KHDRBS3: variants seen among roughly 807,000 people sequenced by gnomAD.
KHDRBS3 encodes the protein KH RNA binding domain containing, signal transduction associated 3.
In KHDRBS3, 23 loss-of-function variants were observed where a neutral mutation model predicts 45.6. The ratio of observed to expected loss-of-function variants is 0.50; its 90% confidence interval spans 0.36 to 0.72. The LOEUF (loss-of-function observed/expected upper bound fraction) is 0.72. Ranked by LOEUF, KHDRBS3 falls within the 30% of genes least tolerant of loss-of-function variation. KHDRBS3 has a pLI of 0.00. For missense variants in KHDRBS3, 352 were observed against 424.8 expected (o/e 0.83, Z 1.51); for synonymous variants, 162 against 156.5 (o/e 1.04, Z -0.26).
chr8:135,489,799 A>G lies in KHDRBS3; in HGVS notation c.89-31438A>G, dbSNP rs1301530495. ...TTTATTGAAGAAAAAATATTTCTTA[A>G]TAATTCAGTGTAGCCTAAGTATACA... On this transcript the variant is annotated intron_variant, in intron 1 of 8. Coordinates refer to ENST00000355849, the MANE Select transcript of KHDRBS3 (RefSeq NM_006558.3). Among the ~76,000 whole-genome samples, 4 of 152,204 alleles carry G rather than the reference A, an allele frequency of 2.6e-5. 1 individual carries two copies.
intron 1 of KHDRBS3, among the ~76,000 whole-genome samples, chr8:135,506,419 T>C (rs573302766): frequency 1.0e-3 from 159 of 151,680 alleles, no homozygotes; most frequent in Admixed American, 0.01. Context: ...TTTTTTTTTT[T>C]TTGAGATGGA....
chr8:135,520,122 T>C (rs1053409223), intron 1 of KHDRBS3, among the ~76,000 whole-genome samples: 7 of 152,248 alleles, frequency 4.6e-5, no homozygotes, highest in Non-Finnish European at 7.3e-5. Context: ...GATTGAATTA[T>C]GTCATGAATG....
chr8:135,540,733 A>G (rs1479055568), intron 2 of KHDRBS3: 2 of 152,246 alleles, frequency 1.3e-5, no homozygotes, highest in African/African-American at 2.4e-5. Flanking sequence ...GTGAAACGAA[A>G]TACAGATACT....
At chr8:135,578,955 C>T (rs1404176010) in intron 5 of KHDRBS3, among the ~76,000 whole-genome samples, 1 of 151,748 alleles carries the variant, frequency 6.6e-6, no homozygotes, top group Non-Finnish European at 1.5e-5. Flanking sequence ...TTTTTGGCTT[C>T]AGTAAATGTT....
In KHDRBS3 at chr8:135,457,746, C is replaced by T. The variant is rs987869377; in HGVS notation, c.-121C>T. 6.2e-5 allele frequency: 17 copies of T among 272,896 alleles called. No individual in the cohort carries two copies. Among genetic ancestry groups the T allele is most frequent in the Non-Finnish European group, 9.0e-5 (15 of 166,762 alleles). The allele number at this position is 272,896 out of a possible 1,614,324, so 16.9% of individuals were successfully genotyped here. On this transcript the variant is annotated 5_prime_UTR_variant, in exon 1 of 9. Transcript: ENST00000355849. The surrounding 1 kb of genome is among the most constrained non-coding windows in gnomAD (Gnocchi z 4.4). ...CTTCCGGCCGACCGCCCGGCTTGGCCGCTGCTGCCGCGTCTGGCCCCCGGG... is the reference window on the plus strand; with the variant it reads ...CTTCCGGCCGACCGCCCGGCTTGGCTGCTGCTGCCGCGTCTGGCCCCCGGG...
chr8:135,629,720 A>G (rs1183086588), intron 7 of KHDRBS3, among the ~76,000 whole-genome samples: 1 of 152,220 alleles, frequency 6.6e-6, no homozygotes, highest in African/African-American at 2.4e-5. Context: ...GAGGCATTGG[A>G]TTGAGGTGCA....
intron 7 of KHDRBS3, among the ~76,000 whole-genome samples, chr8:135,620,417 A>T (rs1830090618): frequency 6.6e-6 from 1 of 152,030 alleles, no homozygotes; most frequent in South Asian, 2.1e-4. Flanking sequence ...GCCCTTCCTG[A>T]CCTGGCCCCA....
chr8:135,578,019 A>G (rs1037142350), intron 5 of KHDRBS3, among the ~76,000 whole-genome samples: 2 of 152,134 alleles, frequency 1.3e-5, no homozygotes, highest in African/African-American at 4.8e-5. Flanking sequence ...GTTATTTGCC[A>G]TCTGTAGATC....
chr8:135,646,693 T>C (rs1831302621), intron 8 of KHDRBS3, among the ~76,000 whole-genome samples: 1 of 152,246 alleles, frequency 6.6e-6, no homozygotes, highest in African/African-American at 2.4e-5. Flanking sequence ...TACTTGAGCT[T>C]GTAAACTGTT....
chr8:135,481,446 A>G (rs1394127410), intron 1 of KHDRBS3, among the ~76,000 whole-genome samples: 1 of 126,972 alleles, frequency 7.9e-6, no homozygotes, highest in African/African-American at 2.5e-5. Context: ...TACCTCTGTC[A>G]TAGTCTCTGT....
At chr8:135,588,152 A>G (rs1018132378) in intron 6 of KHDRBS3, among the ~76,000 whole-genome samples, 5 of 152,224 alleles carry the variant, frequency 3.3e-5, no homozygotes, top group Non-Finnish European at 7.3e-5. Flanking sequence ...GTTACCCACA[A>G]CTTGTGTCAG....
chr8:135,562,793 A>G (rs930143070), intron 5 of KHDRBS3, among the ~76,000 whole-genome samples: 9 of 152,346 alleles, frequency 5.9e-5, no homozygotes, highest in African/African-American at 2.2e-4. Context: ...TACAGAATTC[A>G]GTGTCTAAAT....
intron 7 of KHDRBS3, among the ~76,000 whole-genome samples, chr8:135,619,494 T>G (rs1563810524): frequency 6.6e-6 from 1 of 152,068 alleles, no homozygotes. Flanking sequence ...TGCATAAAGA[T>G]GTAGTAAATT....
At chr8:135,610,554 T>C (rs1271347036) in intron 7 of KHDRBS3, among the ~76,000 whole-genome samples, 6 of 151,890 alleles carry the variant, frequency 4.0e-5, no homozygotes, top group Non-Finnish European at 1.5e-5. Context: ...AAAAGCTTAC[T>C]GGCTAGAAAA....
intron 6 of KHDRBS3, among the ~76,000 whole-genome samples, chr8:135,592,882 G>A (rs951140602): frequency 6.6e-6 from 1 of 151,964 alleles, no homozygotes; most frequent in African/African-American, 2.4e-5. Context: ...TTCCTCTGTT[G>A]CCATCTCAGG....
At chr8:135,586,267 A>G (rs1828467890) in intron 6 of KHDRBS3, among the ~76,000 whole-genome samples, 1 of 152,204 alleles carries the variant, frequency 6.6e-6, no homozygotes, top group Non-Finnish European at 1.5e-5. Context: ...GAGCAGATTC[A>G]GGATTCAAAG....
intron 4 of KHDRBS3, among the ~76,000 whole-genome samples, chr8:135,555,839 G>A (rs908873162): frequency 5.9e-5 from 9 of 152,002 alleles, no homozygotes; most frequent in East Asian, 1.9e-4. Flanking sequence ...TGCTGCACCC[G>A]TCAACCCGTC....
chr8:135,638,167 T>C (rs1830897490), intron 7 of KHDRBS3, among the ~76,000 whole-genome samples: 1 of 152,248 alleles, frequency 6.6e-6, no homozygotes, highest in Admixed American at 6.5e-5. Context: ...GGTGTTCTCA[T>C]AACTGATTGA....
At chr8:135,491,574 A>G (rs1823151951) in intron 1 of KHDRBS3, among the ~76,000 whole-genome samples, 1 of 152,186 alleles carries the variant, frequency 6.6e-6, no homozygotes, top group Admixed American at 6.5e-5. Context: ...GCCCTGGTTT[A>G]CAAAGCTAAG....
Sources: gnomAD v4.1 joint callset for allele counts (sites outside exome capture counted in the v4.1 genomes callset) on GRCh38, gnomAD v4.1.1 for gene constraint, Gnocchi (gnomAD v3.1) non-coding constraint, MANE v1.5 for transcripts, NCBI Gene and HGNC (gene_info 2026-07-23, HGNC 2026-07-21) for gene names.